Variants in DOCK11 observed in about 807,000 individuals in gnomAD.
DOCK11 encodes the protein dedicator of cytokinesis 11, also known as dedicator of cytokinesis protein 11.
In DOCK11, 70 loss-of-function variants were observed where a neutral mutation model predicts 169.1. The ratio of observed to expected loss-of-function variants is 0.41; its 90% CI spans 0.34 to 0.51. The LOEUF is 0.51. Among genes scored for constraint, DOCK11 ranks in the 20% least tolerant of loss-of-function variants. DOCK11 has a pLI of 0.10. For missense variants in DOCK11, 1,166 were observed against 1,538.8 expected (o/e 0.76, Z 4.05); for synonymous variants, 529 against 541.3 (o/e 0.98, Z 0.32).
intron 16 of DOCK11, among the ~76,000 whole-genome samples, chrX:118,586,503 G>A (rs1282628356): frequency 9.0e-6 from 1 of 111,376 alleles, no homozygotes; most frequent in Non-Finnish European, 1.9e-5. Context: ...ACCGCCCCAT[G>A]ATACATTCAC....
Position 118,608,262 on chromosome X carries a change from C to T in DOCK11, c.2783C>T (p.Pro928Leu). 8.3e-7 allele frequency: 1 copy of T among 1,210,050 alleles called. No homozygotes were observed. Among genetic ancestry groups the T allele is most frequent in the Non-Finnish European group, 1.1e-6 (1 of 894,827 alleles). The change falls in exon 26 of 53, where the codon CCT becomes CTT. Residue 928 changes from proline (P) to leucine (L), a missense_variant. Pro to Leu is a moderately conservative substitution (Grantham distance 98). Transcript: ENST00000276202. The part of the protein sequence containing the change: ...YSFRPEKPSA[P>L]QAQLIHETLA... ...TTCCGACCTGAAAAACCGAGTGCTC[C>T]TCAGGCCCAGCTGATACATGAAACC...
At chrX:118,657,338 A>T (rs2016098865) in intron 44 of DOCK11, among the ~76,000 whole-genome samples, 2 of 110,336 alleles carry the variant, frequency 1.8e-5, no homozygotes, top group Admixed American at 1.9e-4. Flanking sequence ...TTTGAATGTT[A>T]AAAAAAATGA....
chrX:118,549,153 T>C (rs2012399535), intron 6 of DOCK11, among the ~76,000 whole-genome samples: 1 of 108,392 alleles, frequency 9.2e-6, no homozygotes, highest in Admixed American at 9.9e-5. Flanking sequence ...TAAAACTTTT[T>C]TTTTTTTTGA....
chrX:118,572,610 T>A (rs1176894769), intron 11 of DOCK11, 147 bp downstream of exon 11: 1 of 401,904 alleles, frequency 2.5e-6, no homozygotes, highest in African/African-American at 2.6e-5. Flanking sequence ...AAAATGAAAG[T>A]TTTATATATA....
chrX:118,618,559 T>C lies in DOCK11; in HGVS notation c.3302T>C (p.Leu1101Pro). The change falls in exon 31 of 53, where the codon CTT becomes CCT. Residue 1101 changes from leucine to proline, a missense_variant. Transcript: ENST00000276202. ...TTTCATTGTACTGCAGATTCAAATC[T>C]TGAATACAGTTTATCAGATGAGTAT... ...PKLQRVQDSN[L>P]EYSLSDEYCK... 1 of 1,193,215 alleles carries C rather than the reference T, an allele frequency of 8.4e-7. No individual in the cohort carries two copies. The highest frequency in any genetic ancestry group is 1.1e-6 in the Non-Finnish European group (1 of 887,690).
intron 23 of DOCK11, among the ~76,000 whole-genome samples, chrX:118,599,701 C>T (rs1359168627): frequency 8.9e-6 from 1 of 112,281 alleles, no homozygotes; most frequent in Non-Finnish European, 1.9e-5. Flanking sequence ...TATCTTACCA[C>T]ATGTATAGAG....
chrX:118,657,396 A>C (rs1366051656), intron 44 of DOCK11, among the ~76,000 whole-genome samples: 1 of 111,947 alleles, frequency 8.9e-6, no homozygotes, highest in Non-Finnish European at 1.9e-5. Context: ...TCTATTTTTA[A>C]ATTTCTTTTA....
Position 118,639,503 on chromosome X carries a change from G to A in DOCK11, c.4070G>A (p.Arg1357Gln), listed in dbSNP as rs968944156. ...DRKSQTMPALRNRSGVMQARL... is the reference protein window; with the variant it reads ...DRKSQTMPALQNRSGVMQARL... ...AAATCGCAAACCATGCCTGCTCTTC[G>A]AAACAGATCAGGAGTAATGCAGGCC... Residue 1357 changes from arginine (R) to glutamine (Q), a missense_variant, in exon 38 of 53, where the codon CGA becomes CAA. Transcript: ENST00000276202. 3.3e-6 allele frequency: 4 copies of A among 1,211,017 alleles called. No homozygotes were observed. The highest frequency in any genetic ancestry group is 4.5e-6 in the Non-Finnish European group (4 of 895,008).
intron 1 of DOCK11, among the ~76,000 whole-genome samples, chrX:118,535,060 C>CA (rs1420525765): frequency 1.8e-5 from 2 of 112,186 alleles, no homozygotes; most frequent in Admixed American, 9.5e-5. Context: ...TCAGCATCAT[C>CA]AGGGCGATAG....
chrX:118,676,884 A>G (rs1175167212), intron 48 of DOCK11, 147 bp downstream of exon 48: 2 of 479,491 alleles, frequency 4.2e-6, no homozygotes, highest in East Asian at 8.3e-5. Flanking sequence ...CTTTGGAGTC[A>G]GAGATACCAA....
chrX:118,527,672 C>T (rs904198834), intron 1 of DOCK11, among the ~76,000 whole-genome samples: 33 of 112,101 alleles, frequency 2.9e-4, no homozygotes, highest in African/African-American at 1.1e-3. Context: ...ATTAAAAATT[C>T]TTCAACAAAC....
At chrX:118,584,696 ATT>A (rs376283615) in intron 14 of DOCK11, 37 bp from the exon 15 acceptor site, 149 of 963,811 alleles carry the variant, frequency 1.5e-4, no homozygotes, top group East Asian at 1.1e-3. Context: ...TCAACATGGA[ATT>A]TTTTTTTTTA....
chrX:118,627,192 C>T (rs752047154), intron 32 of DOCK11, among the ~76,000 whole-genome samples: 2 of 111,620 alleles, frequency 1.8e-5, no homozygotes, highest in Non-Finnish European at 3.8e-5. Context: ...CATGCCACCG[C>T]ACTCTAGCCT....
chrX:118,516,023 T>A (rs867561478), intron 1 of DOCK11, among the ~76,000 whole-genome samples: 1 of 2,821 alleles, frequency 3.5e-4, no homozygotes, highest in Non-Finnish European at 8.3e-4. Flanking sequence ...ATATATACAT[T>A]CTTACACCAG....
At position 118,608,231 on chromosome X, in the gene DOCK11, T is replaced by C; in HGVS notation, c.2752T>C (p.Tyr918His). ...LDSYLRSFIK[Y>H]SFRPEKPSAP... ...TTTTTTTTTGTTTGTTTATTTGTAGTATAGCTTCCGACCTGAAAAACCGAG... is the reference window on the plus strand; with the variant it reads ...TTTTTTTTTGTTTGTTTATTTGTAGCATAGCTTCCGACCTGAAAAACCGAG... The change falls in exon 26 of 53, where the codon TAT becomes CAT. Residue 918 changes from tyrosine (Y) to histidine (H), a missense_variant and splice_region_variant. Tyr to His is a moderately conservative substitution (Grantham distance 83, BLOSUM62 2). Coordinates refer to ENST00000276202, the MANE Select transcript of DOCK11 (RefSeq NM_144658.4). 1 of 1,202,436 alleles carries C rather than the reference T, an allele frequency of 8.3e-7. No homozygotes were observed. The highest frequency in any genetic ancestry group is 1.1e-6 in the Non-Finnish European group (1 of 892,474).
At chrX:118,558,556 T>C (rs952135297) in intron 6 of DOCK11, among the ~76,000 whole-genome samples, 34 of 112,286 alleles carry the variant, frequency 3.0e-4, no homozygotes, top group African/African-American at 9.7e-4. Flanking sequence ...TGTTTCTGAT[T>C]TCCCTTTGAT....
At chrX:118,634,592 A>C (rs2015336500) in intron 35 of DOCK11, among the ~76,000 whole-genome samples, 2 of 112,874 alleles carry the variant, frequency 1.8e-5, no homozygotes, top group Admixed American at 9.3e-5. Context: ...ACCCTCAGGC[A>C]GTGGCGCAGC....
chrX:118,528,683 CTA>C (rs1359715176), intron 1 of DOCK11, among the ~76,000 whole-genome samples: 2 of 110,459 alleles, frequency 1.8e-5, no homozygotes, highest in Non-Finnish European at 3.8e-5. Context: ...GTGCTTCTTG[CTA>C]TTACTTCTTG....
intron 28 of DOCK11, among the ~76,000 whole-genome samples, chrX:118,610,813 C>T (rs764360327): frequency 8.1e-5 from 9 of 111,268 alleles, no homozygotes; most frequent in Non-Finnish European, 1.3e-4. Flanking sequence ...CCGAGGTGGG[C>T]GGATCACATG....
Sources: gnomAD v4.1 joint callset for allele counts (sites outside exome capture counted in the v4.1 genomes callset) on GRCh38, gnomAD v4.1.1 for gene constraint, MANE v1.5 for transcripts, NCBI Gene and HGNC (gene_info 2026-07-23, HGNC 2026-07-21) for gene names.